Variants in NCKAP5 observed in about 807,000 individuals in gnomAD.
NCKAP5 encodes NCK associated protein 5, also known as nck-associated protein 5.
In NCKAP5, 92 loss-of-function variants were observed where a neutral mutation model predicts 167.0. The ratio of observed to expected loss-of-function variants is 0.55; its 90% CI spans 0.47 to 0.66. NCKAP5 has a LOEUF of 0.66. NCKAP5 is among the 30% of genes least tolerant of loss of function. NCKAP5 has a pLI of 0.00. For synonymous variants in NCKAP5, 891 were observed against 877.4 expected, an observed-to-expected ratio of 1.02 and a Z score of -0.27; for missense variants, 2,378 against 2,315.0, an observed-to-expected ratio of 1.03 and a Z score of -0.56.
chr2:133,446,561 G>A (rs996352797), intron 3 of NCKAP5, among the ~76,000 whole-genome samples: 12 of 152,156 alleles, frequency 7.9e-5, no homozygotes, highest in Non-Finnish European at 1.8e-4. Flanking sequence ...AGTGAGGGAG[G>A]GAGAGGGAGA....
chr2:133,100,030 T>C (rs972269367), intron 6 of NCKAP5, among the ~76,000 whole-genome samples: 1 of 152,208 alleles, frequency 6.6e-6, no homozygotes, highest in Admixed American at 6.5e-5. Context: ...GTTCTCAGTG[T>C]TTCTGTGCTG....
At chr2:133,295,917 G>A (rs548393772) in intron 4 of NCKAP5, among the ~76,000 whole-genome samples, 3 of 152,180 alleles carry the variant, frequency 2.0e-5, no homozygotes, top group African/African-American at 7.2e-5. Flanking sequence ...ATTACCTTAA[G>A]GTTTTTGATA....
chr2:132,739,326 T>C (rs1318409353), intron 16 of NCKAP5, among the ~76,000 whole-genome samples: 1 of 152,218 alleles, frequency 6.6e-6, no homozygotes, highest in African/African-American at 2.4e-5. Flanking sequence ...GAGATTATTA[T>C]AGGCCAGGTT....
intron 6 of NCKAP5, among the ~76,000 whole-genome samples, chr2:133,046,028 A>T (rs996011964): frequency 6.6e-6 from 1 of 152,206 alleles, no homozygotes; most frequent in Non-Finnish European, 1.5e-5. Context: ...GATGATTCAC[A>T]TCTCAGGCTG....
chr2:133,544,353 A>C (rs1413987356), intron 2 of NCKAP5, among the ~76,000 whole-genome samples: 2 of 152,218 alleles, frequency 1.3e-5, no homozygotes, highest in African/African-American at 2.4e-5. Context: ...ATCTTCTTAA[A>C]GTAAAAAGTT....
At chr2:133,289,210 A>C (rs1679381500) in intron 4 of NCKAP5, among the ~76,000 whole-genome samples, 1 of 152,218 alleles carries the variant, frequency 6.6e-6, no homozygotes, top group African/African-American at 2.4e-5. Flanking sequence ...GTAATACTTT[A>C]AGGGATAAAG....
intron 6 of NCKAP5, among the ~76,000 whole-genome samples, chr2:132,999,438 G>T (rs960913971): frequency 6.6e-6 from 1 of 152,156 alleles, no homozygotes; most frequent in Admixed American, 6.5e-5. Flanking sequence ...TTAAAATACG[G>T]ACCACTGGGG....
chr2:133,491,268 A>C (rs1681412998), intron 3 of NCKAP5, among the ~76,000 whole-genome samples: 2 of 152,206 alleles, frequency 1.3e-5, no homozygotes, highest in Non-Finnish European at 2.9e-5. Flanking sequence ...ATAAATAGGA[A>C]TGTAATGTCC....
chr2:132,730,161 A>T (rs1277757269), intron 17 of NCKAP5, among the ~76,000 whole-genome samples: 3 of 152,116 alleles, frequency 2.0e-5, no homozygotes, highest in Admixed American at 6.5e-5. Context: ...ACTCTACCAT[A>T]TACTACCTTT....
chr2:133,479,977 G>A (rs1395445347), intron 3 of NCKAP5, among the ~76,000 whole-genome samples: 4 of 150,162 alleles, frequency 2.7e-5, no homozygotes, highest in African/African-American at 9.8e-5. Context: ...TGTCACCCAG[G>A]CTGGAATACA....
At chr2:133,102,402 C>A (rs1300945886) in intron 6 of NCKAP5, among the ~76,000 whole-genome samples, 1 of 152,162 alleles carries the variant, frequency 6.6e-6, no homozygotes, top group Non-Finnish European at 1.5e-5. Flanking sequence ...CTGACTCAGC[C>A]TCCCCAAGTG....
At chr2:133,604,771 C>A in the NCKAP5 span, among the ~76,000 whole-genome samples, 2 of 152,160 alleles carry the variant, frequency 1.3e-5, no homozygotes, top group Admixed American at 6.5e-5. Flanking sequence ...AGTCAGTACA[C>A]GAGTAGGGCT....
At chr2:133,187,246 C>A (rs921654681) in intron 5 of NCKAP5, among the ~76,000 whole-genome samples, 27 of 152,046 alleles carry the variant, frequency 1.8e-4, no homozygotes, top group African/African-American at 6.5e-4. Context: ...AATTTCCAGG[C>A]TTTTGTATAG....
At position 132,869,012 on chromosome 2, in the gene NCKAP5, T is replaced by C. The variant is rs1353095049; in HGVS notation, c.649-38A>G. 7.0e-6 allele frequency: 10 copies of C among 1,437,954 alleles called. No homozygotes were observed. The East Asian group carries it at 1.5e-4, about 22-fold the overall frequency. 89.1% of individuals were successfully genotyped at this position (1,437,954 alleles called of 1,614,324 possible). ...AAGAAAAAGTTGTCATTTATAATAA[T>C]GAGACTTTATATGCACCGACTCTAA... On this transcript the variant is annotated intron_variant, in intron 9 of 19. Coordinates refer to ENST00000409261, the MANE Select transcript of NCKAP5 (RefSeq NM_207363.3).
At chr2:133,113,765 T>A (rs2081989206) in intron 6 of NCKAP5, among the ~76,000 whole-genome samples, 1 of 152,002 alleles carries the variant, frequency 6.6e-6, no homozygotes, top group Admixed American at 6.5e-5. Flanking sequence ...GTGGACAGAG[T>A]ATAGACATGA....
chr2:133,102,648 T>C (rs567266399), intron 6 of NCKAP5, among the ~76,000 whole-genome samples: 1 of 152,232 alleles, frequency 6.6e-6, no homozygotes, highest in Admixed American at 6.5e-5. Flanking sequence ...CTCCCTCCAC[T>C]ACTTTATTTA....
At chr2:133,647,473 G>GAAGGGAAGGGAAGGAAAGGAAAGGA in the NCKAP5 span, among the ~76,000 whole-genome samples, 3 of 62,600 alleles carry the variant, frequency 4.8e-5, no homozygotes, top group African/African-American at 2.3e-4. Flanking sequence ...AAGGGCAAGG[G>GAAGGGAAGGGAAGGAAAGGAAAGGA]AAGGAAAGGA....
intron 5 of NCKAP5, among the ~76,000 whole-genome samples, chr2:133,176,028 A>G (rs1378494029): frequency 6.6e-6 from 1 of 152,176 alleles, no homozygotes; most frequent in Non-Finnish European, 1.5e-5. Flanking sequence ...AGCCTGATGC[A>G]TCCATAAATC....
rs977204969 is a variant in NCKAP5 at position 133,313,004 on chromosome 2, T to G, written c.70-9894A>C. Among the ~76,000 whole-genome samples the G allele has an allele frequency of 2.0e-4, 30 of 152,228 alleles. 1 individual carries two copies. Among genetic ancestry groups the G allele is most frequent in the African/African-American group, 7.2e-4 (30 of 41,452 alleles). On this transcript the variant is annotated intron_variant, in intron 3 of 19. Transcript: ENST00000409261. Reference sequence around the variant, plus strand: ...AGAAAACTAATGCTCAGATTATGGTTAAGTAATTTGCTTAGGGTCAGACAA... The same window carrying G: ...AGAAAACTAATGCTCAGATTATGGTGAAGTAATTTGCTTAGGGTCAGACAA...
Sources: gnomAD v4.1 joint callset for allele counts (sites outside exome capture counted in the v4.1 genomes callset) on GRCh38, gnomAD v4.1.1 for gene constraint, MANE v1.5 for transcripts, NCBI Gene and HGNC (gene_info 2026-07-23, HGNC 2026-07-21) for gene names.